The following UNC13C variants were observed in gnomAD, a reference collection of about 807,000 sequenced individuals.
UNC13C encodes unc-13 homolog C.
Under a neutral mutation model 245.4 loss-of-function variants are expected in UNC13C, and 174 were observed. That is an observed-to-expected ratio of 0.71 (90% CI 0.63 to 0.80). UNC13C has a LOEUF of 0.80. Among genes scored for constraint, UNC13C ranks in the 30% least tolerant of loss-of-function variants. The probability of loss-of-function intolerance (pLI) is 0.00; values close to 1 mark genes in which losing one functional copy is unlikely to be tolerated. For synonymous variants in UNC13C, 992 were observed against 895.1 expected, an observed-to-expected ratio of 1.11 and a Z score of -1.93; for missense variants, 2,829 against 2,602.9, an observed-to-expected ratio of 1.09 and a Z score of -1.89.
intron 2 of UNC13C, among the ~76,000 whole-genome samples, chr15:54,033,250 A>T (rs2141020882): frequency 6.6e-6 from 1 of 152,314 alleles, no homozygotes; most frequent in African/African-American, 2.4e-5. Context: ...AATAAAAAAT[A>T]CACAATGTAC....
chr15:53,931,157 T>C, the UNC13C span, among the ~76,000 whole-genome samples: 1 of 151,948 alleles, frequency 6.6e-6, no homozygotes, highest in Non-Finnish European at 1.5e-5. Flanking sequence ...ATTTATTTAT[T>C]TTTATTTATT....
At chr15:54,543,506 C>G (rs1339428195) in intron 26 of UNC13C, among the ~76,000 whole-genome samples, 1 of 151,854 alleles carries the variant, frequency 6.6e-6, no homozygotes, top group Non-Finnish European at 1.5e-5. Flanking sequence ...AATCTAGGAG[C>G]TGGTTTTTTG....
chr15:54,538,537 A>G (rs1189649241), intron 26 of UNC13C, among the ~76,000 whole-genome samples: 1 of 152,112 alleles, frequency 6.6e-6, no homozygotes, highest in Non-Finnish European at 1.5e-5. Context: ...GTAAAGACAC[A>G]TGCATGCGTA....
chr15:53,872,286 T>G, the UNC13C span, among the ~76,000 whole-genome samples: 1 of 152,026 alleles, frequency 6.6e-6, no homozygotes, highest in Non-Finnish European at 1.5e-5. Flanking sequence ...GTTGGAAAGG[T>G]GAAATGACTC....
At chr15:54,529,847 A>G (rs1458512450) in intron 25 of UNC13C, among the ~76,000 whole-genome samples, 3 of 152,078 alleles carry the variant, frequency 2.0e-5, no homozygotes, top group Admixed American at 6.6e-5. Flanking sequence ...TCTCCTAAGT[A>G]GTTTTTCTTG....
intron 25 of UNC13C, among the ~76,000 whole-genome samples, chr15:54,531,262 G>A (rs1895723934): frequency 6.6e-6 from 1 of 152,192 alleles, no homozygotes; most frequent in Admixed American, 6.5e-5. Context: ...GGGACTAGAT[G>A]TGATTGCCAA....
chr15:54,140,606 G>C (rs2031972934), intron 2 of UNC13C, among the ~76,000 whole-genome samples: 1 of 152,216 alleles, frequency 6.6e-6, no homozygotes, highest in South Asian at 2.1e-4. Context: ...GGACATAACA[G>C]GCAGTCAGCT....
At chr15:53,844,542 C>A in the UNC13C span, among the ~76,000 whole-genome samples, 1 of 152,082 alleles carries the variant, frequency 6.6e-6, no homozygotes, top group Non-Finnish European at 1.5e-5. Context: ...CGAAGTTAGG[C>A]TCCTGCACTC....
At chr15:54,326,953 A>G (rs959541818) in intron 14 of UNC13C, among the ~76,000 whole-genome samples, 11 of 152,068 alleles carry the variant, frequency 7.2e-5, no homozygotes, top group African/African-American at 2.4e-4. Flanking sequence ...AATGCTAAAA[A>G]TCAAGGCTTT....
At chr15:54,075,652 C>CAGTTGCTG (rs1898574251) in intron 2 of UNC13C, among the ~76,000 whole-genome samples, 1 of 150,810 alleles carries the variant, frequency 6.6e-6, no homozygotes, top group African/African-American at 2.4e-5. Flanking sequence ...CTTGAGCTTT[C>CAGTTGCTG]CATAAGTGAT....
At chr15:53,843,190 A>G in the UNC13C span, among the ~76,000 whole-genome samples, 10 of 152,210 alleles carry the variant, frequency 6.6e-5, no homozygotes, top group South Asian at 1.9e-3. Context: ...TGTGATCCCA[A>G]CATTTTGGGA....
At chr15:54,464,472 G>C (rs1476668861) in intron 19 of UNC13C, among the ~76,000 whole-genome samples, 1 of 151,828 alleles carries the variant, frequency 6.6e-6, no homozygotes, top group Non-Finnish European at 1.5e-5. Context: ...TTATTTATTA[G>C]TTGACTGTAC....
chr15:54,050,563 AG>A (rs1897234039), intron 2 of UNC13C: 1 of 445,344 alleles, frequency 2.2e-6, no homozygotes, highest in African/African-American at 2.0e-5. Flanking sequence ...TATTCTCCAG[AG>A]TGAGCTGCTA....
intron 4 of UNC13C, among the ~76,000 whole-genome samples, chr15:54,154,058 T>C (rs916145622): frequency 2.0e-5 from 3 of 152,138 alleles, no homozygotes; most frequent in Non-Finnish European, 4.4e-5. Flanking sequence ...CAAATTATTC[T>C]GTACTAGCTA....
intron 1 of UNC13C, among the ~76,000 whole-genome samples, chr15:54,011,249 C>G (rs1349822683): frequency 6.6e-6 from 1 of 152,122 alleles, no homozygotes; most frequent in Non-Finnish European, 1.5e-5. Context: ...TGGTGGGCTT[C>G]ATTTCGCATT....
chr15:54,237,573 G>A lies in UNC13C; in HGVS notation c.3157-46G>A, dbSNP rs77092932. 15,513 of 1,466,598 alleles carry A rather than the reference G, an allele frequency of 0.011. 1,363 individuals carry two copies. In the African/African-American group the frequency reaches 0.19, roughly 18 times the overall value. 90.8% of individuals were successfully genotyped at this position (1,466,598 alleles called of 1,614,324 possible). Reference sequence around the variant, plus strand: ...ACCTTCTGCTGAGCAGTATATGCACGTCAACCTCCCTATGTATTAATAAGT... The same window carrying A: ...ACCTTCTGCTGAGCAGTATATGCACATCAACCTCCCTATGTATTAATAAGT... On this transcript the variant is annotated intron_variant, in intron 6 of 32. Coordinates refer to ENST00000260323, the MANE Select transcript of UNC13C (RefSeq NM_001080534.3).
the UNC13C span, among the ~76,000 whole-genome samples, chr15:53,971,103 T>G: frequency 1.2e-4 from 19 of 152,302 alleles, no homozygotes; most frequent in East Asian, 3.3e-3. Flanking sequence ...TCTCTAATGA[T>G]TAGTGATGTT....
intron 2 of UNC13C, among the ~76,000 whole-genome samples, chr15:54,083,599 C>G (rs976747700): frequency 6.6e-6 from 1 of 152,164 alleles, no homozygotes; most frequent in East Asian, 1.9e-4. Context: ...CTCTCTATCC[C>G]TCTTCCCAGC....
At chr15:53,931,925 C>G in the UNC13C span, among the ~76,000 whole-genome samples, 133 of 152,276 alleles carry the variant, frequency 8.7e-4, no homozygotes, top group African/African-American at 3.1e-3. Flanking sequence ...TGTTTAACAT[C>G]TGGCCTACCA....
Sources: allele counts gnomAD v4.1 joint callset (sites outside exome capture counted in the v4.1 genomes callset), GRCh38; gene constraint gnomAD v4.1.1; transcripts MANE v1.5; gene names NCBI Gene and HGNC (gene_info 2026-07-23, HGNC 2026-07-21).